The following ZNF469 variants were observed in gnomAD, a reference collection of about 807,000 sequenced individuals.
ZNF469 encodes the protein zinc finger protein 469.
ZNF469 carries 1 observed loss-of-function variant against 1.0 expected under a neutral mutation model. That is an observed-to-expected ratio of 1.00 (90% CI 0.35 to 4.73). ZNF469 has a LOEUF of 4.73. ZNF469 is among the 30% of genes most tolerant of loss of function. ZNF469 has a pLI of 0.16. For missense variants in ZNF469, 6,100 were observed against 5,356.3 expected (o/e 1.14, Z -4.33); for synonymous variants, 2,703 against 2,363.4 (o/e 1.14, Z -4.17).
chr16:88,203,728 CTGTG>C, the ZNF469 span, among the ~76,000 whole-genome samples: 1 of 150,006 alleles, frequency 6.7e-6, no homozygotes, highest in Admixed American at 6.6e-5. Context: ...GTGTCTGTCC[CTGTG>C]TGTGTGTGTG....
At chr16:88,102,410 C>T in the ZNF469 span, among the ~76,000 whole-genome samples, 16 of 152,328 alleles carry the variant, frequency 1.1e-4, no homozygotes, top group African/African-American at 3.6e-4. Context: ...ATCCCAGCTA[C>T]TCAGGAGGCT....
At chr16:88,325,146 G>A in the ZNF469 span, among the ~76,000 whole-genome samples, 665 of 116,608 alleles carry the variant, frequency 5.7e-3, 7 homozygotes, top group Non-Finnish European at 1.0e-2. Context: ...AGGTGGTCCC[G>A]ACAGCAGCTG....
Position 88,440,418 on chromosome 16 carries a change from G to T in ZNF469, c.*1086G>T, listed in dbSNP as rs565707464. ...CACCGACCCAACCCAGGCCTGGGAC[G>T]CACGTGTCCTCTCACAGCGTCGTGC... On this transcript the variant is annotated 3_prime_UTR_variant, in exon 3 of 3. Transcript: ENST00000565624. The T allele has an allele frequency of 6.6e-6, 1 of 152,142 alleles. No homozygotes were observed. The highest frequency in any genetic ancestry group is 6.5e-5 in the Admixed American group (1 of 15,282). 9.4% of individuals were successfully genotyped at this position (152,142 alleles called of 1,614,324 possible).
At chr16:88,191,967 C>A in the ZNF469 span, among the ~76,000 whole-genome samples, 3 of 152,098 alleles carry the variant, frequency 2.0e-5, no homozygotes, top group Non-Finnish European at 4.4e-5. Context: ...GAGGGGGGGA[C>A]TTTGGAGGGT....
At position 88,432,754 on chromosome 16, in the gene ZNF469, G is replaced by A. The variant is rs1413431356; in HGVS notation, c.5284G>A (p.Glu1762Lys). Residue 1762 changes from glutamate (E) to lysine (K), a missense_variant, in exon 3 of 3, where the codon GAA becomes AAA. By Grantham distance (56) the Glu-to-Lys change is moderately conservative. Coordinates refer to ENST00000565624, the MANE Select transcript of ZNF469 (RefSeq NM_001367624.2). ...NKEAASSQESEDSLRLLPCEQ... is the reference protein window; with the variant it reads ...NKEAASSQESKDSLRLLPCEQ... ...GGAGGCCGCCAGCTCACAAGAAAGT[G>A]AAGACTCCCTGCGGCTGCTTCCCTG... The A allele has an allele frequency of 2.6e-6, 4 of 1,550,416 alleles. No individual in the cohort carries two copies. Among genetic ancestry groups the A allele is most frequent in the Non-Finnish European group, 3.5e-6 (4 of 1,147,002 alleles).
At chr16:88,121,629 A>G in the ZNF469 span, among the ~76,000 whole-genome samples, 5 of 152,292 alleles carry the variant, frequency 3.3e-5, no homozygotes, top group South Asian at 1.0e-3. Context: ...TACATATTTA[A>G]GCTTATCTAT....
intron 1 of ZNF469, among the ~76,000 whole-genome samples, chr16:88,410,990 T>G (rs1905145091): frequency 6.6e-6 from 1 of 152,130 alleles, no homozygotes; most frequent in Non-Finnish European, 1.5e-5. Context: ...TCACGTGGCC[T>G]CCTCCTGCGT....
At chr16:88,113,549 G>A in the ZNF469 span, among the ~76,000 whole-genome samples, 1 of 152,184 alleles carries the variant, frequency 6.6e-6, no homozygotes. Context: ...GCTGAAGCCC[G>A]GCTCGGGGAG....
chr16:88,266,819 C>G, the ZNF469 span, among the ~76,000 whole-genome samples: 1 of 152,194 alleles, frequency 6.6e-6, no homozygotes, highest in East Asian at 1.9e-4. Context: ...GCAGAGAGTT[C>G]CATCCTTGGA....
intron 1 of ZNF469, among the ~76,000 whole-genome samples, chr16:88,422,489 AGATGGGTGAGT>A (rs1905504740): frequency 9.4e-6 from 1 of 106,382 alleles, no homozygotes; most frequent in Non-Finnish European, 1.9e-5. Context: ...GTGGGTGGAT[AGATGGGTGAGT>A]GATGGGTGGA....
At chr16:88,118,655 C>G in the ZNF469 span, among the ~76,000 whole-genome samples, 1 of 152,208 alleles carries the variant, frequency 6.6e-6, no homozygotes, top group African/African-American at 2.4e-5. Flanking sequence ...CTCAGATTCC[C>G]GACTCTACGG....
chr16:88,216,356 C>T, the ZNF469 span, among the ~76,000 whole-genome samples: 101 of 151,962 alleles, frequency 6.6e-4, 1 homozygote, highest in East Asian at 5.8e-3. Context: ...TAGCCGGGCG[C>T]GGTGGTGGGT....
chr16:88,222,758 G>GT, the ZNF469 span, among the ~76,000 whole-genome samples: 1 of 147,098 alleles, frequency 6.8e-6, no homozygotes, highest in South Asian at 2.2e-4. Context: ...ACTCCATCCC[G>GT]AAAAAAAAAA....
At chr16:88,373,216 C>T in the ZNF469 span, among the ~76,000 whole-genome samples, 1 of 152,226 alleles carries the variant, frequency 6.6e-6, no homozygotes, top group East Asian at 1.9e-4. Context: ...CCCAAAGTCA[C>T]CCAACTGGCA....
the ZNF469 span, among the ~76,000 whole-genome samples, chr16:88,205,272 A>C: frequency 6.6e-6 from 1 of 152,154 alleles, no homozygotes; most frequent in Non-Finnish European, 1.5e-5. This position sits in a 1 kb window ranked among gnomAD's most constrained non-coding sequence, Gnocchi z 4.2. Context: ...GCTTCGTAGA[A>C]CCACCTGATT....
the ZNF469 span, among the ~76,000 whole-genome samples, chr16:88,185,763 G>GACAC: frequency 0.96 from 141,182 of 146,560 alleles, 68,004 homozygotes; most frequent in East Asian, 1. Flanking sequence ...CAGACCCACA[G>GACAC]ACACATTCGC....
the ZNF469 span, among the ~76,000 whole-genome samples, chr16:88,296,539 T>C: frequency 2.1e-5 from 3 of 142,022 alleles, no homozygotes; most frequent in Admixed American, 7.0e-5. Context: ...CAGGTGCACA[T>C]ACACACATAT....
At chr16:88,128,296 C>T in the ZNF469 span, among the ~76,000 whole-genome samples, 5 of 152,140 alleles carry the variant, frequency 3.3e-5, no homozygotes, top group Non-Finnish European at 1.5e-5. Flanking sequence ...TCCTGGGTAA[C>T]TTGGGGCACA....
chr16:88,205,688 C>T, the ZNF469 span, among the ~76,000 whole-genome samples: 1 of 152,194 alleles, frequency 6.6e-6, no homozygotes, highest in East Asian at 1.9e-4. The surrounding 1 kb of genome is among the most constrained non-coding windows in gnomAD (Gnocchi z 4.2). Context: ...TCCCAAACCC[C>T]GCGCCTCACT....
Sources: allele counts gnomAD v4.1 joint callset (sites outside exome capture counted in the v4.1 genomes callset), GRCh38; gene constraint gnomAD v4.1.1; non-coding constraint Gnocchi (gnomAD v3.1); transcripts MANE v1.5; gene names NCBI Gene and HGNC (gene_info 2026-07-23, HGNC 2026-07-21).